The following RALYL variants were observed in gnomAD, a reference collection of about 807,000 sequenced individuals.
The protein encoded by RALYL is RALY RNA binding protein like.
Under a neutral mutation model 35.1 loss-of-function variants are expected in RALYL, and 29 were observed. The observed-to-expected ratio is 0.83, with a 90% CI of 0.61 to 1.13. The LOEUF is 1.13. RALYL is among the 50% of genes most tolerant of loss of function. The pLI is 0.00. For synonymous variants in RALYL, 120 were observed against 127.6 expected (o/e 0.94, Z 0.40); for missense variants, 359 against 360.4 (o/e 1.00, Z 0.03).
intron 3 of RALYL, 24 bp downstream of exon 3, chr8:84,774,678 C>T (rs952874211): frequency 3.3e-6 from 5 of 1,516,738 alleles, no homozygotes; most frequent in Non-Finnish European, 4.5e-6. Context: ...CACTGTTTTA[C>T]TCTATATATT....
intron 1 of RALYL, among the ~76,000 whole-genome samples, chr8:84,284,309 G>A (rs1711915720): frequency 1.3e-5 from 2 of 152,058 alleles, no homozygotes; most frequent in Non-Finnish European, 2.9e-5. Flanking sequence ...AGAAAGTCAA[G>A]CAGTAATGCA....
chr8:84,372,686 C>T (rs1371941719), intron 1 of RALYL, among the ~76,000 whole-genome samples: 2 of 151,740 alleles, frequency 1.3e-5, no homozygotes, highest in Admixed American at 1.3e-4. Context: ...AAAGTCAGAC[C>T]TTGTCTCTAA....
rs57881021 is a variant in RALYL, at chr8:84,514,090, TAAAAAAA to T, written c.-23-15190_-23-15184del. ...GCCTGGGTGACAGTGAGATTTCATC[TAAAAAAA>T]AAAAAAAAAAAAAAAAAAGAAAGAA... On this transcript the variant is annotated intron_variant, in intron 1 of 8. Transcript: ENST00000521268. 1.3e-3 allele frequency among the ~76,000 whole-genome samples: 52 copies of T among 41,176 alleles called. 1 individual carries two copies. Among genetic ancestry groups the T allele is most frequent in the Admixed American group, 1.6e-3 (5 of 3,202 alleles). The allele number at this position is 41,176 out of a possible 152,430, so 27.0% of individuals were successfully genotyped here. A position where few individuals can be genotyped will look rare whatever the true frequency, so the allele number is the denominator to read the frequency against.
At chr8:84,301,255 G>C (rs1840722942) in intron 1 of RALYL, among the ~76,000 whole-genome samples, 1 of 151,894 alleles carries the variant, frequency 6.6e-6, no homozygotes, top group South Asian at 2.1e-4. Flanking sequence ...GTCGACTGTT[G>C]GCCCAATGGG....
intron 1 of RALYL, among the ~76,000 whole-genome samples, chr8:84,377,352 T>G (rs934193589): frequency 5.3e-5 from 8 of 150,912 alleles, no homozygotes; most frequent in Non-Finnish European, 1.0e-4. Flanking sequence ...TTGAAGAATT[T>G]AAAATAAATC....
At chr8:84,248,230 G>T (rs1399968982) in intron 1 of RALYL, among the ~76,000 whole-genome samples, 1 of 152,094 alleles carries the variant, frequency 6.6e-6, no homozygotes, top group Non-Finnish European at 1.5e-5. Flanking sequence ...TCTTTAGGAT[G>T]CTCATAAATA....
intron 2 of RALYL, among the ~76,000 whole-genome samples, chr8:84,729,373 G>C (rs935425268): frequency 2.6e-5 from 4 of 151,750 alleles, no homozygotes; most frequent in Admixed American, 2.6e-4. Context: ...GGAGATTTTG[G>C]GCTCAAAGAA....
intron 4 of RALYL, among the ~76,000 whole-genome samples, chr8:84,821,162 T>C (rs1193167800): frequency 1.3e-5 from 2 of 152,210 alleles, no homozygotes; most frequent in African/African-American, 2.4e-5. Context: ...ATTATCTAAA[T>C]AATTTTTTGG....
intron 4 of RALYL, among the ~76,000 whole-genome samples, chr8:84,844,765 T>A (rs4327862): frequency 6.6e-6 from 1 of 152,220 alleles, no homozygotes; most frequent in Non-Finnish European, 1.5e-5. Flanking sequence ...GTGGCACATA[T>A]ACAGCATGGA....
At chr8:84,439,460 G>A (rs992800622) in intron 1 of RALYL, among the ~76,000 whole-genome samples, 3 of 152,052 alleles carry the variant, frequency 2.0e-5, no homozygotes, top group Admixed American at 1.3e-4. Context: ...ACAAACAAGT[G>A]CACTTAGATA....
At chr8:84,230,760 A>G (rs901236570) in intron 1 of RALYL, among the ~76,000 whole-genome samples, 3 of 152,190 alleles carry the variant, frequency 2.0e-5, no homozygotes, top group Non-Finnish European at 4.4e-5. Context: ...TTCTCACTTA[A>G]TTCTAATAAT....
At position 84,601,785 on chromosome 8, in the gene RALYL, G is replaced by A. The variant is rs547579652; in HGVS notation, c.256+72208G>A. On this transcript the variant is annotated intron_variant, in intron 2 of 8. Transcript: ENST00000521268. ...AAAATCAGATTTTTTGTTATTTGAA[G>A]CTTAATGGAAACTTAAGTAACAAAA... is the stretch of plus-strand genomic sequence containing the variant. 3.9e-5 allele frequency among the ~76,000 whole-genome samples: 6 copies of A among 151,976 alleles called. No individual in the cohort carries two copies. In the East Asian group the frequency reaches 1.2e-3, roughly 29 times the overall value.
At chr8:84,512,560 T>A (rs1395148579) in intron 1 of RALYL, among the ~76,000 whole-genome samples, 4 of 152,134 alleles carry the variant, frequency 2.6e-5, no homozygotes, top group Non-Finnish European at 5.9e-5. Flanking sequence ...TCTAGTTTTG[T>A]TTTTGTTGCC....
chr8:84,476,702 A>C (rs2133810462), intron 1 of RALYL, among the ~76,000 whole-genome samples: 1 of 152,308 alleles, frequency 6.6e-6, no homozygotes, highest in East Asian at 1.9e-4. Context: ...GAATCAGGGC[A>C]AACATTTTTT....
chr8:84,341,263 T>C (rs1050486439), intron 1 of RALYL, among the ~76,000 whole-genome samples: 2 of 151,170 alleles, frequency 1.3e-5, no homozygotes, highest in African/African-American at 4.9e-5. Context: ...AATATTACCA[T>C]TTTATTTAAA....
At chr8:84,264,881 A>G (rs1288645907) in intron 1 of RALYL, among the ~76,000 whole-genome samples, 2 of 152,232 alleles carry the variant, frequency 1.3e-5, no homozygotes, top group Admixed American at 6.5e-5. Context: ...TACATGATGT[A>G]GGAAAACTGT....
At chr8:84,603,143 T>C (rs1053248667) in intron 2 of RALYL, among the ~76,000 whole-genome samples, 13 of 152,048 alleles carry the variant, frequency 8.5e-5, no homozygotes, top group Non-Finnish European at 2.9e-5. Flanking sequence ...ATAAATGTCA[T>C]GAAGAGGTAA....
At chr8:84,565,874 T>G (rs978137581) in intron 2 of RALYL, among the ~76,000 whole-genome samples, 42 of 151,630 alleles carry the variant, frequency 2.8e-4, no homozygotes, top group African/African-American at 1.0e-3. Context: ...CTTGGGGGAT[T>G]AAGTAAAATA....
intron 1 of RALYL, among the ~76,000 whole-genome samples, chr8:84,369,598 A>C (rs1300770332): frequency 6.6e-6 from 1 of 152,066 alleles, no homozygotes; most frequent in Admixed American, 6.6e-5. Flanking sequence ...CCCTTTAATC[A>C]TTGGCTTTAC....
Sources: allele counts gnomAD v4.1 joint callset (sites outside exome capture counted in the v4.1 genomes callset), GRCh38; gene constraint gnomAD v4.1.1; transcripts MANE v1.5; gene names NCBI Gene and HGNC (gene_info 2026-07-23, HGNC 2026-07-21).